AGMO: variants seen among roughly 807,000 people sequenced by gnomAD.
AGMO encodes the protein alkylglycerol monooxygenase.
In AGMO, 75 loss-of-function variants were observed where a neutral mutation model predicts 60.2. The observed-to-expected ratio is 1.25, with a 90% CI of 1.03 to 1.51. The LOEUF (loss-of-function observed/expected upper bound fraction) is 1.51, where lower values mean the gene tolerates loss of function less well. Among genes scored for constraint, AGMO ranks in the 40% most tolerant of loss-of-function variants. AGMO has a pLI of 0.00. For synonymous variants in AGMO, 261 were observed against 177.1 expected (o/e 1.47, Z -3.76); for missense variants, 763 against 525.5 (o/e 1.45, Z -4.42).
At chr7:15,420,110 A>C (rs1291695625) in intron 4 of AGMO, among the ~76,000 whole-genome samples, 1 of 152,124 alleles carries the variant, frequency 6.6e-6, no homozygotes, top group East Asian at 1.9e-4. Context: ...AAGACTATGC[A>C]TAGCAGATGA....
intron 10 of AGMO, among the ~76,000 whole-genome samples, chr7:15,376,879 G>T (rs1050194188): frequency 3.3e-5 from 5 of 152,040 alleles, no homozygotes; most frequent in African/African-American, 1.2e-4. Flanking sequence ...TATATGCTTT[G>T]CAAGTTTCAG....
At chr7:15,383,556 C>A (rs1190414524) in intron 10 of AGMO, among the ~76,000 whole-genome samples, 1 of 152,112 alleles carries the variant, frequency 6.6e-6, no homozygotes, top group Non-Finnish European at 1.5e-5. Flanking sequence ...GTAACATCTT[C>A]ATACTTAGAT....
intron 12 of AGMO, among the ~76,000 whole-genome samples, chr7:15,289,048 T>G (rs1387905743): frequency 6.6e-6 from 1 of 151,854 alleles, no homozygotes; most frequent in Non-Finnish European, 1.5e-5. Flanking sequence ...CTCCATTCTT[T>G]AAATTTTCTT....
chr7:15,183,775 G>C, the AGMO span, among the ~76,000 whole-genome samples: 10,337 of 152,128 alleles, frequency 0.068, 1,186 homozygotes, highest in African/African-American at 0.23. Context: ...ACTGCAATTA[G>C]AGAAAATTAA....
chr7:15,378,507 T>C (rs773012517), intron 10 of AGMO, among the ~76,000 whole-genome samples: 1 of 152,044 alleles, frequency 6.6e-6, no homozygotes, highest in Non-Finnish European at 1.5e-5. Context: ...CTATCCTAAA[T>C]ATGTATGCAC....
chr7:15,544,895 TG>T lies in AGMO; in HGVS notation c.285del (p.Ser96ValfsTer27). 6.3e-7 allele frequency: 1 copy of T among 1,586,414 alleles called. No homozygotes were observed. Among genetic ancestry groups the T allele is most frequent in the Non-Finnish European group, 8.6e-7 (1 of 1,165,328 alleles). The part of the protein sequence containing the change: ...PSLFFRSIEL[T>X]SYIYIWENYR... ...TAGTTCTCCCAGATATAAATATAAC[TG>T]GTCAGTTCAATGCTCCTGAAAAATA... On this transcript the variant is annotated frameshift_variant, in exon 3 of 13. Transcript: ENST00000342526. LOFTEE classifies it high-confidence loss of function.
chr7:15,346,658 TCCAA>T (rs1462606924), intron 12 of AGMO, among the ~76,000 whole-genome samples: 4 of 151,400 alleles, frequency 2.6e-5, no homozygotes, highest in African/African-American at 9.7e-5. Flanking sequence ...CTCAGAAATA[TCCAA>T]CCATTTTATT....
At position 15,394,124 on chromosome 7, in the gene AGMO, C is replaced by G; in HGVS notation, c.665G>C (p.Arg222Thr). The G allele has an allele frequency of 5.6e-6, 9 of 1,611,046 alleles. No individual in the cohort carries two copies. The highest frequency in any genetic ancestry group is 7.6e-6 in the Non-Finnish European group (9 of 1,177,854). Residue 222 changes from arginine (R) to threonine (T), a missense_variant, in exon 6 of 13, where the codon AGG becomes ACG. By Grantham distance (71) the Arg-to-Thr change is moderately conservative. Coordinates refer to ENST00000342526, the MANE Select transcript of AGMO (RefSeq NM_001004320.2). ...ELILNTPSHH[R>T]VHHGRNRYCI... ...CAAAACTTCCTTACCATGATGAACCCTATGATGGCTAGGAGTATTAAGAAT... is the reference window on the plus strand; with the variant it reads ...CAAAACTTCCTTACCATGATGAACCGTATGATGGCTAGGAGTATTAAGAAT...
chr7:15,128,763 T>C, the AGMO span, among the ~76,000 whole-genome samples: 2 of 152,130 alleles, frequency 1.3e-5, no homozygotes, highest in Admixed American at 6.6e-5. Flanking sequence ...TAAAATCTTA[T>C]GAATATGCTT....
intron 12 of AGMO, among the ~76,000 whole-genome samples, chr7:15,334,589 G>A (rs1043927899): frequency 6.6e-6 from 1 of 152,088 alleles, no homozygotes; most frequent in Non-Finnish European, 1.5e-5. Context: ...GATATTAAAG[G>A]CTCACTTTCC....
At chr7:15,415,559 T>G (rs1304683758) in intron 5 of AGMO, among the ~76,000 whole-genome samples, 1 of 151,964 alleles carries the variant, frequency 6.6e-6, no homozygotes, top group Non-Finnish European at 1.5e-5. Context: ...AAAATATCAT[T>G]GAATCATTCG....
chr7:15,547,574 G>T (rs568919206), intron 2 of AGMO, among the ~76,000 whole-genome samples: 225 of 152,192 alleles, frequency 1.5e-3, no homozygotes, highest in Middle Eastern at 0.01. Flanking sequence ...CTGGAAAATC[G>T]GGTCACTCCC....
At chr7:15,285,623 A>C (rs549243695) in intron 12 of AGMO, among the ~76,000 whole-genome samples, 1 of 152,136 alleles carries the variant, frequency 6.6e-6, no homozygotes, top group African/African-American at 2.4e-5. Context: ...GGCAGAATCA[A>C]TATCATGAAA....
the AGMO span, among the ~76,000 whole-genome samples, chr7:15,144,062 G>C: frequency 1.3e-5 from 2 of 152,084 alleles, no homozygotes; most frequent in East Asian, 1.9e-4. Flanking sequence ...ATTTTTACTA[G>C]TTGGCCACTA....
At chr7:15,495,444 T>G (rs907187465) in intron 3 of AGMO, among the ~76,000 whole-genome samples, 19 of 152,354 alleles carry the variant, frequency 1.2e-4, no homozygotes, top group African/African-American at 4.6e-4. Flanking sequence ...AATTACTTGA[T>G]GCCCAGGTAG....
At chr7:15,357,835 T>C (rs1168520191) in intron 12 of AGMO, among the ~76,000 whole-genome samples, 1 of 152,140 alleles carries the variant, frequency 6.6e-6, no homozygotes, top group Non-Finnish European at 1.5e-5. Context: ...ACCACAGAAA[T>C]TGTGAGAAAT....
downstream of AGMO, among the ~76,000 whole-genome samples, chr7:15,199,828 CCACTTCTGAT>C (rs1204775710): frequency 6.6e-6 from 1 of 152,062 alleles, no homozygotes; most frequent in Non-Finnish European, 1.5e-5. Context: ...AAAGCCAAAC[CCACTTCTGAT>C]ACTTGAGATA....
the AGMO span, among the ~76,000 whole-genome samples, chr7:15,171,119 C>A: frequency 6.6e-6 from 1 of 152,016 alleles, no homozygotes; most frequent in Admixed American, 6.6e-5. Flanking sequence ...GTAGCTGGGA[C>A]TGCAGGCGCC....
At position 15,560,138 on chromosome 7, in the gene AGMO, C is replaced by A; in HGVS notation, c.257+3G>T. ...GCTCAGCGTTGTTGACCATCTAACT[C>A]ACCTTGGAAGTCGAGACAGAACACC... On this transcript the variant is annotated splice_donor_region_variant and intron_variant, in intron 2 of 12. Coordinates refer to ENST00000342526, the MANE Select transcript of AGMO (RefSeq NM_001004320.2). 1 of 1,605,232 alleles carries A rather than the reference C, an allele frequency of 6.2e-7. No homozygotes were observed. The highest frequency in any genetic ancestry group is 1.3e-5 in the African/African-American group (1 of 74,724).
Sources: allele counts gnomAD v4.1 joint callset (sites outside exome capture counted in the v4.1 genomes callset), GRCh38; gene constraint gnomAD v4.1.1; transcripts MANE v1.5; gene names NCBI Gene and HGNC (gene_info 2026-07-23, HGNC 2026-07-21).